LYPD6: variants seen among roughly 807,000 people sequenced by gnomAD.
LYPD6 encodes the protein ly6/PLAUR domain-containing protein 6.
In LYPD6, 15 loss-of-function variants were observed where a neutral mutation model predicts 22.7. That is an observed-to-expected ratio of 0.66 (90% confidence interval 0.44 to 1.02). LYPD6 has a LOEUF of 1.02. Ranked by LOEUF, LYPD6 falls within the 50% of genes least tolerant of loss-of-function variation. The pLI is 0.00. For missense variants in LYPD6, 189 were observed against 208.4 expected (o/e 0.91, Z 0.57); for synonymous variants, 72 against 77.5 (o/e 0.93, Z 0.37).
chr2:149,392,196 A>T (rs1434843515), intron 1 of LYPD6, among the ~76,000 whole-genome samples: 1 of 152,052 alleles, frequency 6.6e-6, no homozygotes, highest in Non-Finnish European at 1.5e-5. Context: ...ACTCTCCTGA[A>T]CTCATCTAAC....
At chr2:149,480,535 C>A in the LYPD6 span, among the ~76,000 whole-genome samples, 2 of 143,712 alleles carry the variant, frequency 1.4e-5, no homozygotes, top group Non-Finnish European at 3.1e-5. Context: ...CCCTGAACTT[C>A]CTTTCACAGT....
intron 1 of LYPD6, among the ~76,000 whole-genome samples, chr2:149,342,311 A>G (rs1478008352): frequency 6.6e-6 from 1 of 152,234 alleles, no homozygotes; most frequent in Non-Finnish European, 1.5e-5. Context: ...CAACACCCAA[A>G]CCATATCAGT....
At chr2:149,427,327 G>A (rs1313015888) in intron 1 of LYPD6, among the ~76,000 whole-genome samples, 2 of 152,124 alleles carry the variant, frequency 1.3e-5, no homozygotes, top group Non-Finnish European at 1.5e-5. Flanking sequence ...ATGAAAAATG[G>A]CATTCTGAAA....
intron 1 of LYPD6, among the ~76,000 whole-genome samples, chr2:149,354,296 C>T (rs1681411103): frequency 6.6e-6 from 1 of 152,154 alleles, no homozygotes; most frequent in African/African-American, 2.4e-5. Context: ...CAACTTCTGT[C>T]TCCTGAGTTG....
rs545552925 is a variant in LYPD6, at chr2:149,415,633, AGAAG to A, written c.-71-21999_-71-21996del. Among the ~76,000 whole-genome samples, 455 of 152,140 alleles carry A rather than the reference AGAAG, an allele frequency of 3.0e-3. 3 individuals are homozygous for A. The highest frequency in any genetic ancestry group is 0.015 in the South Asian group (71 of 4,822). On this transcript the variant is annotated intron_variant, in intron 1 of 4. Coordinates refer to ENST00000334166, the MANE Select transcript of LYPD6 (RefSeq NM_194317.5). The stretch of plus-strand genomic sequence containing the variant: ...AGGGAGGAAGGAAGGAAGGAAAGAA[AGAAG>A]GAAGGGCTGGGTAGGCCTTACACTA...
chr2:149,418,949 G>T (rs919692249), intron 1 of LYPD6, among the ~76,000 whole-genome samples: 7 of 152,154 alleles, frequency 4.6e-5, no homozygotes, highest in Admixed American at 4.6e-4. Context: ...ATGAAACCAG[G>T]CTGCTTCAAT....
At chr2:149,425,071 T>C (rs1683162082) in intron 1 of LYPD6, among the ~76,000 whole-genome samples, 1 of 152,162 alleles carries the variant, frequency 6.6e-6, no homozygotes, top group Admixed American at 6.5e-5. Context: ...TCCTTTTTTC[T>C]TCCAGATAAG....
intron 2 of LYPD6, among the ~76,000 whole-genome samples, chr2:149,447,617 G>A (rs1311103130): frequency 1.3e-5 from 2 of 152,120 alleles, no homozygotes; most frequent in Non-Finnish European, 2.9e-5. Flanking sequence ...AATGACATCA[G>A]GTCTGAACAG....
intron 3 of LYPD6, 41 bp from the exon 4 acceptor site, chr2:149,468,604 G>A: frequency 1.9e-6 from 3 of 1,599,430 alleles, no homozygotes; most frequent in Admixed American, 1.7e-5. Flanking sequence ...GGCAGGTTTG[G>A]TCAACATTTC....
rs998667678 is a variant in LYPD6 at position 149,425,009 on chromosome 2, C to T, written c.-71-12629C>T. On this transcript the variant is annotated intron_variant, in intron 1 of 4. Transcript: ENST00000334166. Reference sequence around the variant, plus strand: ...AGGGAGTCCAGGGCATTCCACAGCTCGCACCTGCCCCTCAGGTTGTGTGTC... The same window carrying T: ...AGGGAGTCCAGGGCATTCCACAGCTTGCACCTGCCCCTCAGGTTGTGTGTC... Among the ~76,000 whole-genome samples the T allele has an allele frequency of 9.9e-5, 15 of 152,220 alleles. No homozygotes were observed. The South Asian group carries it at 2.1e-3, about 21-fold the overall frequency.
At chr2:149,352,335 T>A (rs553726403) in intron 1 of LYPD6, among the ~76,000 whole-genome samples, 1 of 152,154 alleles carries the variant, frequency 6.6e-6, no homozygotes, top group East Asian at 1.9e-4. Context: ...ATTAAAAAAA[T>A]GATTTTTGAA....
At chr2:149,462,942 A>C (rs755201855) in intron 3 of LYPD6, among the ~76,000 whole-genome samples, 5 of 152,128 alleles carry the variant, frequency 3.3e-5, no homozygotes, top group Non-Finnish European at 7.4e-5. Flanking sequence ...TACAGCATTT[A>C]GGAAAAAATA....
intron 1 of LYPD6, among the ~76,000 whole-genome samples, chr2:149,366,205 T>C (rs1286157852): frequency 6.6e-6 from 1 of 152,226 alleles, no homozygotes; most frequent in Non-Finnish European, 1.5e-5. Flanking sequence ...ATGTGAGCTT[T>C]GTATAAGGCT....
At chr2:149,368,816 A>G (rs560612021) in intron 1 of LYPD6, among the ~76,000 whole-genome samples, 1 of 152,254 alleles carries the variant, frequency 6.6e-6, no homozygotes, top group South Asian at 2.1e-4. Context: ...TCATCAAGAC[A>G]GGGTGATGGC....
intron 1 of LYPD6, among the ~76,000 whole-genome samples, chr2:149,433,127 G>C (rs994136716): frequency 5.3e-5 from 8 of 152,078 alleles, no homozygotes; most frequent in Non-Finnish European, 2.9e-5. Flanking sequence ...GATTTCACAA[G>C]TAAAATGTAT....
At chr2:149,469,991 TTGTC>T (rs1294848495) in intron 4 of LYPD6, among the ~76,000 whole-genome samples, 1 of 152,182 alleles carries the variant, frequency 6.6e-6, no homozygotes, top group Admixed American at 6.5e-5. Flanking sequence ...TCCTAATTCT[TTGTC>T]TGGGGCAAGG....
At chr2:149,465,486 G>A (rs1681179800) in intron 3 of LYPD6, among the ~76,000 whole-genome samples, 1 of 152,108 alleles carries the variant, frequency 6.6e-6, no homozygotes, top group South Asian at 2.1e-4. Flanking sequence ...CTTGCACCTG[G>A]AAAATTATTC....
downstream of LYPD6, among the ~76,000 whole-genome samples, chr2:149,475,546 C>A (rs16827053): frequency 0.045 from 6,784 of 152,250 alleles, 290 homozygotes; most frequent in Admixed American, 0.096. Flanking sequence ...CTGTCTAGCT[C>A]TTGTAAAAAA....
At chr2:149,446,038 C>T (rs1558810885) in intron 2 of LYPD6, among the ~76,000 whole-genome samples, 1 of 151,928 alleles carries the variant, frequency 6.6e-6, no homozygotes, top group African/African-American at 2.4e-5. Context: ...TACTAGTTGG[C>T]CTAATTTCAG....
Sources: allele counts gnomAD v4.1 joint callset (sites outside exome capture counted in the v4.1 genomes callset), GRCh38; gene constraint gnomAD v4.1.1; transcripts MANE v1.5; gene names NCBI Gene and HGNC (gene_info 2026-07-23, HGNC 2026-07-21).